DNAH2: variants seen among roughly 807,000 people sequenced by gnomAD.
DNAH2 encodes the protein axonemal beta dynein heavy chain 2.
A neutral mutation model predicts 523.5 loss-of-function variants in DNAH2; 323 were observed. The ratio of observed to expected loss-of-function variants is 0.62; its 90% CI spans 0.56 to 0.68. The LOEUF is 0.68. DNAH2 is among the 30% of genes least tolerant of loss of function. The pLI is 0.00. For synonymous variants in DNAH2, 2,093 were observed against 2,177.4 expected, an observed-to-expected ratio of 0.96 and a Z score of 1.08; for missense variants, 4,907 against 5,701.5, an observed-to-expected ratio of 0.86 and a Z score of 4.49.
rs756490747 is a variant in DNAH2, at chr17:7,831,141, A to G, written c.12286A>G (p.Lys4096Glu). Reference sequence around the variant, plus strand: ...CAAGGATGGCAGCCTCGCTTCTTACAAGGAATACATCAGCTTATTGCCTGG... The same window carrying G: ...CAAGGATGGCAGCCTCGCTTCTTACGAGGAATACATCAGCTTATTGCCTGG... ...IPKDGSLASY[K>E]EYISLLPGMD... is the part of the protein sequence containing the mutation. Residue 4096 changes from lysine to glutamate, a missense_variant, in exon 80 of 86, where the codon AAG becomes GAG. Lys to Glu is a moderately conservative substitution (Grantham distance 56, BLOSUM62 1). This residue lies in a region of DNAH2 where 1,851 missense variants were observed against 2,139.4 expected (regional missense o/e 0.87). Coordinates refer to ENST00000572933, the MANE Select transcript of DNAH2 (RefSeq NM_020877.5). This position sits in a 1 kb window ranked among gnomAD's most constrained non-coding sequence, Gnocchi z 4.2. The G allele has an allele frequency of 6.2e-7, 1 of 1,614,106 alleles. No individual in the cohort carries two copies. The highest frequency in any genetic ancestry group is 1.1e-5 in the South Asian group (1 of 91,072).
chr17:7,723,778 C>G, intron 3 of DNAH2, 89 bp downstream of exon 3: 1 of 1,131,814 alleles, frequency 8.8e-7, no homozygotes, highest in South Asian at 1.3e-5. Context: ...GAGGAATTCT[C>G]TCTTGTCTGC....
chr17:7,821,430 T>C lies in DNAH2; in HGVS notation c.11142+61T>C. On this transcript the variant is annotated intron_variant, in intron 73 of 85. Transcript: ENST00000572933. The surrounding 1 kb of genome is among the most constrained non-coding windows in gnomAD (Gnocchi z 5.0). ...GGTCAAGGTTGGGGATGAGGGCAAG[T>C]GTGACAAGGACTCCAGACCCAGAGG... is the stretch of plus-strand genomic sequence containing the variant. The C allele has an allele frequency of 6.4e-7, 1 of 1,561,530 alleles. No homozygotes were observed. The highest frequency in any genetic ancestry group is 8.7e-7 in the Non-Finnish European group (1 of 1,150,330).
At chr17:7,816,180 C>T (rs1296852623) in intron 63 of DNAH2, among the ~76,000 whole-genome samples, 2 of 152,170 alleles carry the variant, frequency 1.3e-5, no homozygotes, top group East Asian at 3.9e-4. Flanking sequence ...CAAGGTTCCA[C>T]CTTAGGTATG....
At chr17:7,747,946 A>T (rs1257839311) in intron 12 of DNAH2, among the ~76,000 whole-genome samples, 1 of 152,226 alleles carries the variant, frequency 6.6e-6, no homozygotes, top group African/African-American at 2.4e-5. Context: ...AAGTGAAGAT[A>T]ACTTTATCAG....
intron 63 of DNAH2, among the ~76,000 whole-genome samples, chr17:7,808,063 C>T (rs1022515453): frequency 2.0e-5 from 3 of 152,086 alleles, no homozygotes; most frequent in African/African-American, 7.2e-5. Context: ...GCAACCCAGG[C>T]GATCTCCTGC....
In DNAH2 at chr17:7,780,411, G is replaced by T. The variant is rs138972677; in HGVS notation, c.5850+127G>T. 334 of 1,484,064 alleles carry T rather than the reference G, an allele frequency of 2.3e-4. 1 individual carries two copies. In the African/African-American group the frequency reaches 4.2e-3, roughly 19 times the overall value. The allele number at this position is 1,484,064 out of a possible 1,614,324, so 91.9% of individuals were successfully genotyped here. A position where few individuals can be genotyped will look rare whatever the true frequency, so the allele number is the denominator to read the frequency against. ...AAGGAACTTAGACTATTGTCAGTAG[G>T]ATGTGTGGGGAGAAAAATTTAGGGG... is the stretch of plus-strand genomic sequence containing the variant. On this transcript the variant is annotated intron_variant, in intron 37 of 85. Coordinates refer to ENST00000572933, the MANE Select transcript of DNAH2 (RefSeq NM_020877.5). The surrounding 1 kb of genome is among the most constrained non-coding windows in gnomAD (Gnocchi z 4.4).
chr17:7,804,236 T>A lies in DNAH2; in HGVS notation c.8973-20T>A. ...CCGGAAGCCCCGCCTCTCCACACCC[T>A]GTCCTATTCTTTCCCCCAGGTTGCT... is the stretch of plus-strand genomic sequence containing the variant. On this transcript the variant is annotated intron_variant, in intron 58 of 85. Transcript: ENST00000572933. The A allele has an allele frequency of 6.2e-6, 10 of 1,613,396 alleles. No homozygotes were observed. The highest frequency in any genetic ancestry group is 8.5e-6 in the Non-Finnish European group (10 of 1,179,682).
chr17:7,746,195 C>A (rs1407738197), intron 12 of DNAH2, among the ~76,000 whole-genome samples: 1 of 152,128 alleles, frequency 6.6e-6, no homozygotes, highest in East Asian at 1.9e-4. Context: ...ACATTTTAAC[C>A]TTTACAAAGG....
At chr17:7,775,101 C>T (rs909978694) in intron 29 of DNAH2, 125 bp downstream of exon 29, 2 of 1,257,762 alleles carry the variant, frequency 1.6e-6, no homozygotes, top group Admixed American at 4.8e-5. Flanking sequence ...TCTCAATTCT[C>T]AGGGGGATAG....
In DNAH2 at chr17:7,792,139, C is replaced by T. The variant is rs560311622; in HGVS notation, c.7053+70C>T. On this transcript the variant is annotated intron_variant, in intron 45 of 85. Transcript: ENST00000572933. ...CCCCCTGGGCATCCCCCATCTCAGG[C>T]TCTGCTTGGGTTTCCCTCTCTCTTT... The T allele has an allele frequency of 8.1e-6, 13 of 1,602,858 alleles. No homozygotes were observed. In the African/African-American group the frequency reaches 1.6e-4, roughly 20 times the overall value.
chr17:7,764,024 G>A lies in DNAH2; in HGVS notation c.3172G>A (p.Ala1058Thr), dbSNP rs113927997. Reference protein sequence around the residue: ...LELHTYLKENAEKISRPPQTL... With the variant: ...LELHTYLKENTEKISRPPQTL... ...GCTGCACACCTACCTGAAGGAGAAC[G>A]CAGAGAAGTGCGGGCTGGGGCGCCC... is the stretch of plus-strand genomic sequence containing the variant. The change falls in exon 19 of 86, where the codon GCA (alanine) becomes ACA (threonine). Residue 1058 changes from alanine to threonine, a missense_variant. Ala to Thr is a moderately conservative substitution (Grantham distance 58, BLOSUM62 0). Transcript: ENST00000572933. 6.4e-4 allele frequency: 1,038 copies of A among 1,614,190 alleles called. 7 individuals carry two copies. In the African/African-American group the frequency reaches 0.011, roughly 16 times the overall value.
chr17:7,748,638 G>A (rs1038184055), intron 12 of DNAH2, among the ~76,000 whole-genome samples: 1 of 152,006 alleles, frequency 6.6e-6, no homozygotes, highest in Non-Finnish European at 1.5e-5. Flanking sequence ...GGGAACACAG[G>A]TGCCTGCCAC....
rs371441576 is a variant in DNAH2 at position 7,807,365 on chromosome 17, G to C, written c.9612+46G>C. 1.6e-4 allele frequency: 261 copies of C among 1,603,660 alleles called. No individual in the cohort carries two copies. Among genetic ancestry groups the C allele is most frequent in the Admixed American group, 1.3e-4 (8 of 59,758 alleles). On this transcript the variant is annotated intron_variant, in intron 62 of 85. Transcript: ENST00000572933. This position sits in a 1 kb window ranked among gnomAD's most constrained non-coding sequence, Gnocchi z 5.6. ...GCGGGGCGGTAGGGAGGGCAGGCCTGGGGGAGTGCGGATGCACAGACCCAG... is the reference window on the plus strand; with the variant it reads ...GCGGGGCGGTAGGGAGGGCAGGCCTCGGGGAGTGCGGATGCACAGACCCAG...
intron 56 of DNAH2, among the ~76,000 whole-genome samples, chr17:7,801,157 A>T (rs2077211952): frequency 6.6e-6 from 1 of 151,924 alleles, no homozygotes; most frequent in Non-Finnish European, 1.5e-5. Flanking sequence ...ACAGGCACAA[A>T]CTCCAGTGCC....
At chr17:7,825,782 T>C (rs1239041690) in intron 77 of DNAH2, among the ~76,000 whole-genome samples, 1 of 152,132 alleles carries the variant, frequency 6.6e-6, no homozygotes, top group Admixed American at 6.5e-5. Flanking sequence ...CAGCTCTGAA[T>C]TGCCATCAGA....
intron 39 of DNAH2, among the ~76,000 whole-genome samples, chr17:7,782,853 T>C (rs961396176): frequency 2.4e-5 from 2 of 83,818 alleles, no homozygotes; most frequent in African/African-American, 6.7e-5. Context: ...TCACAACTAC[T>C]TTCTCCAAAA....
Position 7,804,424 on chromosome 17 carries a change from C to A in DNAH2, c.9141C>A (p.Val3047=). The change falls in exon 59 of 86, where the codon GTC becomes GTA. Residue 3047 remains valine, a synonymous_variant. Coordinates refer to ENST00000572933, the MANE Select transcript of DNAH2 (RefSeq NM_020877.5). ...AGAAGCAGTGTGAGGAGTACCTGGT[C>A]ATCATTGTGCAGCAGAAGCGGGAGG... The part of the protein sequence containing the change: ...EFQKQCEEYL[V]IIVQQKREAD... The A allele has an allele frequency of 6.2e-7, 1 of 1,614,034 alleles. No individual in the cohort carries two copies. Among genetic ancestry groups the A allele is most frequent in the South Asian group, 1.1e-5 (1 of 91,028 alleles).
intron 4 of DNAH2, among the ~76,000 whole-genome samples, chr17:7,732,486 A>G (rs1433200445): frequency 6.6e-6 from 1 of 152,074 alleles, no homozygotes; most frequent in Non-Finnish European, 1.5e-5. Flanking sequence ...AAAAGCACTA[A>G]AAAACCCAAA....
Position 7,777,438 on chromosome 17 carries a change from T to C in DNAH2, c.5059-8T>C. 1 of 1,614,104 alleles carries C rather than the reference T, an allele frequency of 6.2e-7. No individual in the cohort carries two copies. The highest frequency in any genetic ancestry group is 8.5e-7 in the Non-Finnish European group (1 of 1,179,976). On this transcript the variant is annotated splice_region_variant and splice_polypyrimidine_tract_variant and intron_variant, in intron 32 of 85. Coordinates refer to ENST00000572933, the MANE Select transcript of DNAH2 (RefSeq NM_020877.5). ...GTCTGCTCTCTTCCCTGCTGCTTCA[T>C]GCCACAGGTGTCAATCCTGAATAAG...
Sources: allele counts gnomAD v4.1 joint callset (sites outside exome capture counted in the v4.1 genomes callset), GRCh38; gene constraint gnomAD v4.1.1; regional missense constraint gnomAD v4.1.1; non-coding constraint Gnocchi (gnomAD v3.1); transcripts MANE v1.5; gene names NCBI Gene and HGNC (gene_info 2026-07-23, HGNC 2026-07-21).